PHF24: variants seen among roughly 807,000 people sequenced by gnomAD.
PHF24 encodes Galpha inhibitory interacting protein.
In PHF24, 25 loss-of-function variants were observed where a neutral mutation model predicts 42.6. The ratio of observed to expected loss-of-function variants is 0.59; its 90% CI spans 0.43 to 0.82. The LOEUF (loss-of-function observed/expected upper bound fraction) is 0.82, where lower values mean the gene tolerates loss of function less well. PHF24 is among the 40% of genes least tolerant of loss of function. The pLI is 0.00. For synonymous variants in PHF24, 185 were observed against 204.8 expected, an observed-to-expected ratio of 0.90 and a Z score of 0.83; for missense variants, 470 against 538.1, an observed-to-expected ratio of 0.87 and a Z score of 1.25.
the PHF24 span, among the ~76,000 whole-genome samples, chr9:34,916,488 G>T: frequency 1.3e-5 from 2 of 152,234 alleles, no homozygotes; most frequent in African/African-American, 4.8e-5. Context: ...GAGGAATGTA[G>T]TGAAGACAAT....
the PHF24 span, among the ~76,000 whole-genome samples, chr9:34,849,806 A>G: frequency 0.048 from 7,284 of 152,136 alleles, 179 homozygotes; most frequent in African/African-American, 0.074. Flanking sequence ...GGTGGTGACA[A>G]AATCTCTCAG....
At chr9:34,791,364 G>A in the PHF24 span, among the ~76,000 whole-genome samples, 1 of 152,148 alleles carries the variant, frequency 6.6e-6, no homozygotes, top group African/African-American at 2.4e-5. Context: ...ACTGAGATGG[G>A]GGACACTGCA....
At chr9:34,956,456 CA>C (rs1826374277), upstream of PHF24, among the ~76,000 whole-genome samples, 7 of 152,192 alleles carry the variant, frequency 4.6e-5, no homozygotes, top group Admixed American at 4.6e-4. Flanking sequence ...GGTGGGGTTT[CA>C]CTATGTTGGC....
chr9:34,825,498 G>A, the PHF24 span, among the ~76,000 whole-genome samples: 1 of 151,954 alleles, frequency 6.6e-6, no homozygotes, highest in Non-Finnish European at 1.5e-5. Context: ...GACTGCATTT[G>A]TGTCTGTGGG....
the PHF24 span, among the ~76,000 whole-genome samples, chr9:34,924,982 T>C: frequency 6.6e-6 from 1 of 152,192 alleles, no homozygotes; most frequent in Non-Finnish European, 1.5e-5. Flanking sequence ...TTCTTGATAA[T>C]GGTAATCATC....
At chr9:34,909,812 C>T in the PHF24 span, among the ~76,000 whole-genome samples, 2 of 152,002 alleles carry the variant, frequency 1.3e-5, no homozygotes, top group South Asian at 2.1e-4. Context: ...TTGGTAGAGA[C>T]GGGGTTTCAC....
At chr9:34,775,234 C>A in the PHF24 span, among the ~76,000 whole-genome samples, 13 of 152,150 alleles carry the variant, frequency 8.5e-5, no homozygotes, top group Admixed American at 8.5e-4. Flanking sequence ...AATTCTAATA[C>A]ATGCTACAAC....
In PHF24 at chr9:34,976,834, C is replaced by T. The variant is rs796811363; in HGVS notation, c.849+94C>T. On this transcript the variant is annotated intron_variant, in intron 5 of 7. Transcript: ENST00000242315. ...GATTGGGGGAGCACTGGGTCCTGCT[C>T]AAGCAGGGACAAGTATCAGGAATGG... The T allele has an allele frequency of 6.3e-5, 69 of 1,087,894 alleles. No homozygotes were observed. In the African/African-American group the frequency reaches 9.6e-4, roughly 15 times the overall value. The allele number at this position is 1,087,894 out of a possible 1,614,324, so 67.4% of individuals were successfully genotyped here.
chr9:34,786,731 A>C, the PHF24 span, among the ~76,000 whole-genome samples: 1 of 152,188 alleles, frequency 6.6e-6, no homozygotes, highest in African/African-American at 2.4e-5. Flanking sequence ...TTAATTTCTC[A>C]GTGTCTGGGA....
At chr9:34,665,639 G>C in the PHF24 span, 3 of 700,406 alleles carry the variant, frequency 4.3e-6, no homozygotes, top group East Asian at 8.1e-5. Flanking sequence ...GCGCCACCTC[G>C]TATCTCCTCA....
the PHF24 span, among the ~76,000 whole-genome samples, chr9:34,873,871 T>G: frequency 6.6e-6 from 1 of 152,112 alleles, no homozygotes; most frequent in Non-Finnish European, 1.5e-5. Flanking sequence ...TGTATCCTCT[T>G]TTATTTCATT....
the PHF24 span, among the ~76,000 whole-genome samples, chr9:34,770,696 C>T: frequency 2.8e-4 from 42 of 151,984 alleles, no homozygotes; most frequent in African/African-American, 5.6e-4. Context: ...GCAATAGAAA[C>T]GGGATGGCGG....
the PHF24 span, among the ~76,000 whole-genome samples, chr9:34,809,925 C>CGGGGCGCGGGGGCGCGGGGGCGCG: frequency 6.7e-6 from 1 of 150,112 alleles, no homozygotes; most frequent in Non-Finnish European, 1.5e-5. This position sits in a 1 kb window ranked among gnomAD's most constrained non-coding sequence, Gnocchi z 4.1. Flanking sequence ...GCCAGTACCT[C>CGGGGCGCGGGGGCGCGGGGGCGCG]GGGGCGCGGG....
chr9:34,790,267 T>C, the PHF24 span, among the ~76,000 whole-genome samples: 1 of 152,218 alleles, frequency 6.6e-6, no homozygotes. Flanking sequence ...AGGCAGTTAT[T>C]AGGCAGATGT....
At chr9:34,881,917 A>G in the PHF24 span, among the ~76,000 whole-genome samples, 1 of 152,210 alleles carries the variant, frequency 6.6e-6, no homozygotes, top group Non-Finnish European at 1.5e-5. Flanking sequence ...AAAAACAGAG[A>G]ATTTTAGACC....
At chr9:34,679,831 G>A in the PHF24 span, among the ~76,000 whole-genome samples, 1 of 152,134 alleles carries the variant, frequency 6.6e-6, no homozygotes, top group African/African-American at 2.4e-5. Context: ...TTTGGAAGAG[G>A]GCTCTGAGCC....
At chr9:34,978,093 C>T (rs780763457) in exon 8 of PHF24, 2 of 1,613,766 alleles carry the variant, frequency 1.2e-6, no homozygotes, top group African/African-American at 1.3e-5. Flanking sequence ...CAGCCATTCA[C>T]CTGAAGCCCC....
chr9:34,882,429 G>C, the PHF24 span, among the ~76,000 whole-genome samples: 1 of 152,208 alleles, frequency 6.6e-6, no homozygotes, highest in Non-Finnish European at 1.5e-5. Flanking sequence ...AGTTGTCCCT[G>C]TTTGCAGATG....
chr9:34,958,696 C>A lies in PHF24; in HGVS notation c.-5+295C>A, dbSNP rs1176695687. On this transcript the variant is annotated intron_variant, in intron 1 of 7. Transcript: ENST00000242315. The surrounding 1 kb of genome is among the most constrained non-coding windows in gnomAD (Gnocchi z 4.5). ...TGGAGGGGACTGGCCCCAGAGAGCC[C>A]TTCTGTGTCACTGTGGGAGCAGGCA... Among the ~76,000 whole-genome samples the A allele has an allele frequency of 6.6e-6, 1 of 152,158 alleles. No homozygotes were observed. The highest frequency in any genetic ancestry group is 1.5e-5 in the Non-Finnish European group (1 of 68,018).
Sources: allele counts gnomAD v4.1 joint callset (sites outside exome capture counted in the v4.1 genomes callset), GRCh38; gene constraint gnomAD v4.1.1; non-coding constraint Gnocchi (gnomAD v3.1); transcripts MANE v1.5; gene names NCBI Gene and HGNC (gene_info 2026-07-23, HGNC 2026-07-21).